The following CYP2C18 variants were observed in gnomAD, a reference collection of about 807,000 sequenced individuals.
CYP2C18 encodes the protein cytochrome P450 family 2 subfamily C member 18.
In CYP2C18, 38 loss-of-function variants were observed where a neutral mutation model predicts 41.3. The ratio of observed to expected loss-of-function variants is 0.92; its 90% CI spans 0.71 to 1.21. The LOEUF is 1.21. Among genes scored for constraint, CYP2C18 ranks in the 50% most tolerant of loss-of-function variants. CYP2C18 has a pLI of 0.00. For missense variants in CYP2C18, 635 were observed against 591.4 expected (o/e 1.07, Z -0.77); for synonymous variants, 236 against 210.0 (o/e 1.12, Z -1.07).
chr10:94,689,282 G>T (rs1846953583), intron 3 of CYP2C18, among the ~76,000 whole-genome samples: 1 of 151,964 alleles, frequency 6.6e-6, no homozygotes, highest in Non-Finnish European at 1.5e-5. Flanking sequence ...TTCCCTAGTT[G>T]TCCATTAGCT....
rs183429533 is a variant in CYP2C18 at position 94,725,449 on chromosome 10, A to G, written c.1149+916A>G. On this transcript the variant is annotated intron_variant, in intron 7 of 8. Transcript: ENST00000285979. Reference sequence around the variant, plus strand: ...TATTTCTTATTTTTCAATTCTTATAACTCAGTTTTCTCTTTATTGTTTTAT... The same window carrying G: ...TATTTCTTATTTTTCAATTCTTATAGCTCAGTTTTCTCTTTATTGTTTTAT... 5.0e-3 allele frequency among the ~76,000 whole-genome samples: 756 copies of G among 151,818 alleles called. 26 individuals carry two copies. The highest frequency in any genetic ancestry group is 1.9e-3 in the East Asian group (10 of 5,164).
Position 94,735,246 on chromosome 10 carries a change from A to C in CYP2C18, c.1292-17A>C. The C allele has an allele frequency of 6.2e-7, 1 of 1,612,146 alleles. No individual in the cohort carries two copies. Among genetic ancestry groups the C allele is most frequent in the South Asian group, 1.1e-5 (1 of 91,014 alleles). On this transcript the variant is annotated splice_polypyrimidine_tract_variant and intron_variant, in intron 8 of 8. Transcript: ENST00000285979. ...CTAATGTTCAAGGAACAAATCCCCT[A>C]TGTCTCTTATTTTCAGGAAAACGGA...
At chr10:94,708,519 G>T (rs1207847347) in intron 5 of CYP2C18, among the ~76,000 whole-genome samples, 1 of 152,112 alleles carries the variant, frequency 6.6e-6, no homozygotes, top group Non-Finnish European at 1.5e-5. Context: ...TATTTAAAAA[G>T]TGCATTGTTC....
intron 8 of CYP2C18, 124 bp from the exon 9 acceptor site, chr10:94,735,139 C>G: frequency 1.0e-6 from 1 of 953,598 alleles, no homozygotes. Flanking sequence ...AGCCATCCTT[C>G]CAGTCATTCT....
At chr10:94,732,701 G>A (rs916187763) in intron 7 of CYP2C18, among the ~76,000 whole-genome samples, 9 of 151,552 alleles carry the variant, frequency 5.9e-5, no homozygotes, top group African/African-American at 1.9e-4. Flanking sequence ...GTGAATTAAC[G>A]CAGGAACAGA....
intron 4 of CYP2C18, among the ~76,000 whole-genome samples, chr10:94,701,790 C>G (rs376579384): frequency 3.9e-4 from 60 of 152,208 alleles, no homozygotes; most frequent in African/African-American, 1.4e-3. Flanking sequence ...GTGAATGAGC[C>G]TGACCTAAAC....
intron 1 of CYP2C18, among the ~76,000 whole-genome samples, chr10:94,685,749 A>G (rs1846875260): frequency 6.6e-6 from 1 of 152,030 alleles, no homozygotes; most frequent in South Asian, 2.1e-4. Context: ...TCCTTTAATC[A>G]GTGTGTCTAT....
chr10:94,729,471 G>A (rs1429940346), intron 7 of CYP2C18, among the ~76,000 whole-genome samples: 1 of 152,026 alleles, frequency 6.6e-6, no homozygotes, highest in African/African-American at 2.4e-5. Flanking sequence ...GCATTAAGTA[G>A]TTCTGATTTT....
chr10:94,729,569 A>C (rs1240816038), intron 7 of CYP2C18, among the ~76,000 whole-genome samples: 3 of 152,198 alleles, frequency 2.0e-5, no homozygotes, highest in East Asian at 3.8e-4. Context: ...AACAAAAAAA[A>C]CCAGTGATGG....
chr10:94,707,676 A>G (rs986488968), intron 5 of CYP2C18, among the ~76,000 whole-genome samples: 2 of 152,184 alleles, frequency 1.3e-5, no homozygotes, highest in Non-Finnish European at 2.9e-5. Flanking sequence ...AAGACATTTC[A>G]TATATTTGAA....
In CYP2C18 at chr10:94,736,175, G is replaced by T. The variant is rs1847916161; in HGVS notation, c.*731G>T. ...CAACTTAGATCATGTCTAAATATAT[G>T]CTTTCATATGGCTAATCATGTGTTA... is the stretch of plus-strand genomic sequence containing the variant. On this transcript the variant is annotated 3_prime_UTR_variant, in exon 9 of 9. Transcript: ENST00000285979. The T allele has an allele frequency of 6.6e-6, 1 of 152,074 alleles. No individual in the cohort carries two copies. Among genetic ancestry groups the T allele is most frequent in the Non-Finnish European group, 1.5e-5 (1 of 68,000 alleles). The allele number at this position is 152,074 out of a possible 1,614,324, so 9.4% of individuals were successfully genotyped here.
Position 94,735,464 on chromosome 10 carries a change from C to T in CYP2C18, c.*20C>T. On this transcript the variant is annotated 3_prime_UTR_variant, in exon 9 of 9. Coordinates refer to ENST00000285979, the MANE Select transcript of CYP2C18 (RefSeq NM_000772.3). ...GTCTGAAGAAGGGCAGATAGTTTGG[C>T]TGCTCCTGTGCTGTCACCTGCAATT... The T allele has an allele frequency of 6.2e-7, 1 of 1,612,646 alleles. No homozygotes were observed. Among genetic ancestry groups the T allele is most frequent in the Non-Finnish European group, 8.5e-7 (1 of 1,178,928 alleles).
intron 4 of CYP2C18, among the ~76,000 whole-genome samples, chr10:94,701,159 C>T (rs1398041136): frequency 6.6e-6 from 1 of 152,170 alleles, no homozygotes; most frequent in Non-Finnish European, 1.5e-5. Flanking sequence ...ACTATAAAGA[C>T]ACATGCACAC....
intron 3 of CYP2C18, among the ~76,000 whole-genome samples, chr10:94,692,879 A>T (rs1847033468): frequency 6.6e-6 from 1 of 152,078 alleles, no homozygotes; most frequent in Non-Finnish European, 1.5e-5. Flanking sequence ...TAAGGACATG[A>T]ATGAAGCTGG....
chr10:94,716,721 A>G (rs1370757428), intron 5 of CYP2C18, among the ~76,000 whole-genome samples: 2 of 152,148 alleles, frequency 1.3e-5, no homozygotes, highest in African/African-American at 2.4e-5. Context: ...GCTGAGTTCA[A>G]TTCCTGGATA....
chr10:94,700,681 C>T (rs1400581149), intron 4 of CYP2C18, among the ~76,000 whole-genome samples: 1 of 152,152 alleles, frequency 6.6e-6, no homozygotes, highest in Admixed American at 6.5e-5. Flanking sequence ...TCAGAGTGAA[C>T]AGGCAACCTA....
intron 5 of CYP2C18, among the ~76,000 whole-genome samples, chr10:94,719,028 A>C (rs1360253794): frequency 1.3e-5 from 2 of 152,018 alleles, no homozygotes; most frequent in Non-Finnish European, 2.9e-5. Context: ...GAAGTCTCTC[A>C]ACTTGTTTCT....
chr10:94,733,877 G>A (rs1847875616), intron 8 of CYP2C18, among the ~76,000 whole-genome samples: 1 of 151,966 alleles, frequency 6.6e-6, no homozygotes. Context: ...CTCTTAAGAG[G>A]CTCACTCCTG....
intron 5 of CYP2C18, among the ~76,000 whole-genome samples, chr10:94,711,978 A>AC (rs951266642): frequency 6.7e-6 from 1 of 149,332 alleles, no homozygotes; most frequent in Non-Finnish European, 1.5e-5. Context: ...AGTATATGGG[A>AC]CAACAGGTGC....
Sources: allele counts gnomAD v4.1 joint callset (sites outside exome capture counted in the v4.1 genomes callset), GRCh38; gene constraint gnomAD v4.1.1; transcripts MANE v1.5; gene names NCBI Gene and HGNC (gene_info 2026-07-23, HGNC 2026-07-21).